CMPK2: variants seen among roughly 807,000 people sequenced by gnomAD.
The protein encoded by CMPK2 is UMP-CMP kinase 2, mitochondrial.
A neutral mutation model predicts 33.4 loss-of-function variants in CMPK2; 32 were observed. That is an observed-to-expected ratio of 0.96 (90% CI 0.72 to 1.29). The LOEUF is 1.29. Ranked by LOEUF, CMPK2 falls within the 50% of genes most tolerant of loss-of-function variation. CMPK2 has a pLI of 0.00. For synonymous variants in CMPK2, 299 were observed against 275.3 expected, an observed-to-expected ratio of 1.09 and a Z score of -0.85; for missense variants, 672 against 616.0, an observed-to-expected ratio of 1.09 and a Z score of -0.96.
At chr2:6,845,982 T>C (rs1426399887), downstream of CMPK2, among the ~76,000 whole-genome samples, 2 of 152,000 alleles carry the variant, frequency 1.3e-5, no homozygotes, top group African/African-American at 4.8e-5. Flanking sequence ...TTGTTTGGTC[T>C]ACAAATAGGA....
At chr2:6,865,945 GC>G, upstream of CMPK2, 1 of 1,303,940 alleles carries the variant, frequency 7.7e-7, no homozygotes, top group Non-Finnish European at 1.0e-6. Flanking sequence ...CAGACGCTTG[GC>G]CCCGGGGCCC....
At chr2:6,856,827 A>G (rs148100615) in intron 3 of CMPK2, among the ~76,000 whole-genome samples, 65 of 152,352 alleles carry the variant, frequency 4.3e-4, no homozygotes, top group African/African-American at 1.6e-3. Flanking sequence ...GTGTGCCCTC[A>G]TGCATTGCAC....
chr2:6,865,954 C>T (rs973965996), upstream of CMPK2: 1 of 1,247,356 alleles, frequency 8.0e-7, no homozygotes, highest in African/African-American at 1.6e-5. Flanking sequence ...GGCCCCGGGG[C>T]CCCAGGTGCG....
chr2:6,864,193 C>T (rs1290850748), intron 1 of CMPK2: 1 of 69,678 alleles, frequency 1.4e-5, no homozygotes, highest in Non-Finnish European at 3.3e-5. Context: ...TTGCCAATCT[C>T]TGTGAACTGG....
Position 6,848,913 on chromosome 2 carries a change from AAATT to A in CMPK2, c.*933_*936del, listed in dbSNP as rs1662430575. 1.0e-6 allele frequency: 1 copy of A among 985,634 alleles called. No individual in the cohort carries two copies. Among genetic ancestry groups the A allele is most frequent in the Admixed American group, 6.1e-5 (1 of 16,268 alleles). 61.1% of individuals were successfully genotyped at this position (985,634 alleles called of 1,614,324 possible). A position where few individuals can be genotyped will look rare whatever the true frequency, so the allele number is the denominator to read the frequency against. On this transcript the variant is annotated 3_prime_UTR_variant, in exon 5 of 5. Coordinates refer to ENST00000256722, the MANE Select transcript of CMPK2 (RefSeq NM_207315.4). ...ATCCACTGTACTTATTTAACAAGAC[AAATT>A]AAGTTTGTGTAATGAAAATACACAA...
chr2:6,859,005 G>A (rs1453880304), intron 3 of CMPK2, among the ~76,000 whole-genome samples: 1 of 152,200 alleles, frequency 6.6e-6, no homozygotes, highest in Non-Finnish European at 1.5e-5. Context: ...ATGAAATCCA[G>A]GCTGAGGTGG....
At chr2:6,840,771 G>A (rs1662210136) in intron 3 of CMPK2, 1 of 674,866 alleles carries the variant, frequency 1.5e-6, no homozygotes, top group Admixed American at 2.1e-5. Flanking sequence ...TTGGAATTCT[G>A]ATAACTGTTT....
In CMPK2 at chr2:6,851,662, G is replaced by T. The variant is rs1257199995; in HGVS notation, c.1014C>A (p.Thr338=). 2.5e-6 allele frequency: 4 copies of T among 1,614,034 alleles called. No homozygotes were observed. Among genetic ancestry groups the T allele is most frequent in the Non-Finnish European group, 2.5e-6 (3 of 1,180,032 alleles). Residue 338 remains threonine (T), a synonymous_variant, in exon 4 of 5, where the codon ACC becomes ACA. Transcript: ENST00000256722. ...IVDRYWHSTA[T]YAIATEVSGG... is the part of the protein sequence containing the mutation. ...CACTCACCTCAGTGGCTATGGCATAGGTGGCCGTGCTGTGCCAGTACCTGA... is the reference window on the plus strand; with the variant it reads ...CACTCACCTCAGTGGCTATGGCATATGTGGCCGTGCTGTGCCAGTACCTGA...
downstream of CMPK2, among the ~76,000 whole-genome samples, chr2:6,844,970 C>T (rs960716988): frequency 6.6e-6 from 1 of 152,070 alleles, no homozygotes; most frequent in Non-Finnish European, 1.5e-5. Context: ...GGTAGGGCAC[C>T]CAGAAGTTGC....
At position 6,851,433 on chromosome 2, in the gene CMPK2, T is replaced by C. The variant is rs1405242897; in HGVS notation, c.1226+17A>G. On this transcript the variant is annotated intron_variant, in intron 4 of 4. Transcript: ENST00000256722. The stretch of plus-strand genomic sequence containing the variant: ...GGAATGCCTGCCGCTCACATTGCAT[T>C]GCACTGGGACACCTACTTTTGACGA... 5 of 1,614,182 alleles carry C rather than the reference T, an allele frequency of 3.1e-6. No homozygotes were observed. The highest frequency in any genetic ancestry group is 1.1e-5 in the South Asian group (1 of 91,044).
At chr2:6,844,803 C>G (rs1368236746), downstream of CMPK2, among the ~76,000 whole-genome samples, 6 of 152,200 alleles carry the variant, frequency 3.9e-5, no homozygotes, top group Non-Finnish European at 8.8e-5. Flanking sequence ...AGCATAGCAT[C>G]TCTCCATGTA....
intron 3 of CMPK2, among the ~76,000 whole-genome samples, chr2:6,856,371 C>A (rs1417790013): frequency 6.6e-6 from 1 of 152,130 alleles, no homozygotes; most frequent in East Asian, 1.9e-4. Context: ...ACAGTTGCTA[C>A]CCCTGGGGAG....
intron 1 of CMPK2, 81 bp downstream of exon 1, chr2:6,864,941 C>G: frequency 1.5e-6 from 2 of 1,344,880 alleles, no homozygotes; most frequent in African/African-American, 3.1e-5. Flanking sequence ...ACCGGCTCTA[C>G]AGACCAGCCT....
At position 6,848,831 on chromosome 2, in the gene CMPK2, T is replaced by C. The variant is rs1257646408; in HGVS notation, c.*1019A>G. Reference sequence around the variant, plus strand: ...CTAAAGATATGTCAAAGCGATTTCATATGTAATCATGAGACATTCAAGTGC... The same window carrying C: ...CTAAAGATATGTCAAAGCGATTTCACATGTAATCATGAGACATTCAAGTGC... On this transcript the variant is annotated 3_prime_UTR_variant, in exon 5 of 5. Transcript: ENST00000256722. 3.0e-6 allele frequency: 3 copies of C among 985,750 alleles called. No homozygotes were observed. The African/African-American group carries it at 5.2e-5, about 17-fold the overall frequency. 61.1% of individuals were successfully genotyped at this position (985,750 alleles called of 1,614,324 possible).
chr2:6,846,733 C>T (rs1228063937), downstream of CMPK2, among the ~76,000 whole-genome samples: 1 of 152,184 alleles, frequency 6.6e-6, no homozygotes, highest in Non-Finnish European at 1.5e-5. Flanking sequence ...GCCCTGGGAC[C>T]TTCCAATCCC....
intron 3 of CMPK2, among the ~76,000 whole-genome samples, chr2:6,859,834 A>G (rs1003046716): frequency 3.3e-5 from 5 of 152,200 alleles, no homozygotes; most frequent in African/African-American, 1.2e-4. Context: ...GTTTGAAGAG[A>G]GCCACTGTCC....
At chr2:6,859,261 T>C (rs762804590) in intron 3 of CMPK2, among the ~76,000 whole-genome samples, 5 of 152,216 alleles carry the variant, frequency 3.3e-5, no homozygotes, top group Non-Finnish European at 1.5e-5. Flanking sequence ...TTGGAAGATT[T>C]GCAGCCTGAC....
Position 6,848,728 on chromosome 2 carries a change from G to A in CMPK2, c.*1122C>T, listed in dbSNP as rs1172247512. ...TGCCTTTGAACTGGAAGGAATTTTA[G>A]GTAATCACCTGGTTCAACCTACTCC... On this transcript the variant is annotated 3_prime_UTR_variant, in exon 5 of 5. Transcript: ENST00000256722. 1 of 985,618 alleles carries A rather than the reference G, an allele frequency of 1.0e-6. No individual in the cohort carries two copies. The highest frequency in any genetic ancestry group is 1.7e-5 in the African/African-American group (1 of 57,208). The allele number at this position is 985,618 out of a possible 1,614,324, so 61.1% of individuals were successfully genotyped here. A position where few individuals can be genotyped will look rare whatever the true frequency, so the allele number is the denominator to read the frequency against.
Position 6,865,291 on chromosome 2 carries a change from G to T in CMPK2, c.406C>A (p.Pro136Thr). The change falls in exon 1 of 5, where the codon CCC becomes ACC. Residue 136 changes from proline to threonine, a missense_variant. Coordinates refer to ENST00000256722, the MANE Select transcript of CMPK2 (RefSeq NM_207315.4). ...TGCCGGGTGTCAGGGTCATCCAGGG[G>T]GTCGCGCAGCAGGAAGCCTTGCTGT... ...GAQQGFLLRD[P>T]LDDPDTRQAL... 1 of 1,529,528 alleles carries T rather than the reference G, an allele frequency of 6.5e-7. No homozygotes were observed. 94.7% of individuals were successfully genotyped at this position (1,529,528 alleles called of 1,614,324 possible). A position where few individuals can be genotyped will look rare whatever the true frequency, so the allele number is the denominator to read the frequency against.
Sources: gnomAD v4.1 joint callset for allele counts (sites outside exome capture counted in the v4.1 genomes callset) on GRCh38, gnomAD v4.1.1 for gene constraint, MANE v1.5 for transcripts, NCBI Gene and HGNC (gene_info 2026-07-23, HGNC 2026-07-21) for gene names.